The following TEX14 variants were observed in gnomAD, a reference collection of about 807,000 sequenced individuals.
TEX14 encodes the protein testis expressed 14, intercellular bridge forming factor.
In TEX14, 168 loss-of-function variants were observed where a neutral mutation model predicts 178.6. That is an observed-to-expected ratio of 0.94 (90% CI 0.83 to 1.07). The LOEUF (loss-of-function observed/expected upper bound fraction) is 1.07. TEX14 is among the 50% of genes least tolerant of loss of function. The pLI is 0.00. For synonymous variants in TEX14, 626 were observed against 634.1 expected (o/e 0.99, Z 0.19); for missense variants, 1,730 against 1,753.6 (o/e 0.99, Z 0.24).
At position 58,622,999 on chromosome 17, in the gene TEX14, C is replaced by CA. The variant is rs775494694; in HGVS notation, c.264dup (p.Gly89TrpfsTer18). 1 of 1,592,448 alleles carries CA rather than the reference C, an allele frequency of 6.3e-7. No homozygotes were observed. The highest frequency in any genetic ancestry group is 1.1e-5 in the South Asian group (1 of 90,398). ...GCTGCTGCATGGACAGGGGTGCTCCCATCAAAGCAGCGGCTGGGGAGGGAG... is the reference window on the plus strand; with the variant it reads ...GCTGCTGCATGGACAGGGGTGCTCCCAATCAAAGCAGCGGCTGGGGAGGGAG... On this transcript the variant is annotated frameshift_variant, in exon 4 of 32. Transcript: ENST00000349033. LOFTEE classifies it high-confidence loss of function.
intron 26 of TEX14, among the ~76,000 whole-genome samples, chr17:58,566,277 T>C (rs966444823): frequency 2.6e-5 from 4 of 152,226 alleles, no homozygotes; most frequent in Admixed American, 6.5e-5. Flanking sequence ...GACTGTGTTA[T>C]TGTTACTCCT....
intron 1 of TEX14, among the ~76,000 whole-genome samples, chr17:58,670,627 G>T (rs2047287971): frequency 6.6e-6 from 1 of 151,584 alleles, no homozygotes; most frequent in Non-Finnish European, 1.5e-5. Context: ...ACAAAAATTA[G>T]CTGGGTGTGG....
At chr17:58,594,497 C>T (rs2045233432) in intron 14 of TEX14, among the ~76,000 whole-genome samples, 1 of 151,674 alleles carries the variant, frequency 6.6e-6, no homozygotes, top group Non-Finnish European at 1.5e-5. Context: ...ATTACAGGTG[C>T]GCGCCACTAC....
At chr17:58,669,697 G>A (rs1030479253) in intron 1 of TEX14, among the ~76,000 whole-genome samples, 20 of 129,664 alleles carry the variant, frequency 1.5e-4, no homozygotes, top group African/African-American at 6.0e-4. Flanking sequence ...TCACGCCACT[G>A]CACTCTAGAC....
At position 58,602,416 on chromosome 17, in the gene TEX14, AG is replaced by A. The variant is rs1365744301; in HGVS notation, c.1510del (p.Leu504Ter). 1.2e-6 allele frequency: 2 copies of A among 1,612,664 alleles called. No homozygotes were observed. Among genetic ancestry groups the A allele is most frequent in the African/African-American group, 1.3e-5 (1 of 74,880 alleles). On this transcript the variant is annotated frameshift_variant, in exon 12 of 32. Coordinates refer to ENST00000349033, the MANE Select transcript of TEX14 (RefSeq NM_031272.5). LOFTEE classifies it high-confidence loss of function. ...TMNLQDIRYILKNDLKDFTGA... is the reference protein window; with the variant it reads ...TMNLQDIRYIXKNDLKDFTGA... Reference sequence around the variant, plus strand: ...AGGGCTTGCCTTTAAGTCATTCTTCAGAATATACCGGATATCTTGAAGGTTC... The same window carrying A: ...AGGGCTTGCCTTTAAGTCATTCTTCAAATATACCGGATATCTTGAAGGTTC...
intron 13 of TEX14, among the ~76,000 whole-genome samples, chr17:58,600,186 G>A (rs948189555): frequency 6.6e-6 from 1 of 152,168 alleles, no homozygotes; most frequent in African/African-American, 2.4e-5. Flanking sequence ...AAAAGAGTTT[G>A]ACTATTTCTC....
chr17:58,642,909 T>C (rs2046608038), intron 2 of TEX14, among the ~76,000 whole-genome samples: 1 of 152,216 alleles, frequency 6.6e-6, no homozygotes, highest in Admixed American at 6.5e-5. Context: ...TAAATAACAC[T>C]GACCACTATG....
intron 2 of TEX14, chr17:58,631,192 T>A (rs1359305780): frequency 2.0e-6 from 2 of 976,940 alleles, no homozygotes; most frequent in East Asian, 2.3e-4. Context: ...GGAGGCGCAG[T>A]GGCTCACGCC....
intron 13 of TEX14, among the ~76,000 whole-genome samples, chr17:58,600,638 A>T (rs2144476355): frequency 1.3e-5 from 2 of 152,042 alleles, no homozygotes; most frequent in Middle Eastern, 6.8e-3. Context: ...TAAAAAATTT[A>T]TGCTAGGATT....
intron 1 of TEX14, among the ~76,000 whole-genome samples, chr17:58,671,846 C>T (rs1029443209): frequency 6.6e-6 from 1 of 152,162 alleles, no homozygotes; most frequent in Non-Finnish European, 1.5e-5. Context: ...TCCCTCAATT[C>T]ATCTAATCCT....
intron 23 of TEX14, 131 bp from the exon 24 acceptor site, chr17:58,572,257 C>G (rs2044550701): frequency 1.1e-5 from 4 of 365,908 alleles, no homozygotes; most frequent in Non-Finnish European, 2.0e-5. Flanking sequence ...ATTATTAAAA[C>G]AAACAAACAA....
chr17:58,564,201 T>C (rs2044349931), intron 28 of TEX14: 3 of 152,108 alleles, frequency 2.0e-5, no homozygotes. Context: ...TCCAAAAGAA[T>C]TGAAAGCAGG....
chr17:58,573,088 C>T (rs1416668973), intron 23 of TEX14, 93 bp downstream of exon 23: 1 of 1,522,550 alleles, frequency 6.6e-7, no homozygotes, highest in African/African-American at 1.4e-5. Context: ...GACAACACAG[C>T]CACCAGCTCT....
At chr17:58,602,099 T>C in intron 12 of TEX14, 143 bp from the exon 13 acceptor site, 1 of 849,928 alleles carries the variant, frequency 1.2e-6, no homozygotes, top group Non-Finnish European at 1.8e-6. Flanking sequence ...ACTAGTTTAT[T>C]GTTATTGCCA....
In TEX14 at chr17:58,593,756, A is replaced by G. The variant is rs1598367279; in HGVS notation, c.2470-95T>C. ...TTTCAAAGCCATTCTTGCTAAATGTATAGAAATAACCAGACCTACCAGGAT... is the reference window on the plus strand; with the variant it reads ...TTTCAAAGCCATTCTTGCTAAATGTGTAGAAATAACCAGACCTACCAGGAT... On this transcript the variant is annotated intron_variant, in intron 14 of 31. Transcript: ENST00000349033. 3.8e-6 allele frequency: 4 copies of G among 1,066,506 alleles called. No homozygotes were observed. The East Asian group carries it at 7.4e-5, about 20-fold the overall frequency. 66.1% of individuals were successfully genotyped at this position (1,066,506 alleles called of 1,614,324 possible).
At chr17:58,614,287 T>A (rs2045818362) in intron 8 of TEX14, among the ~76,000 whole-genome samples, 2 of 152,094 alleles carry the variant, frequency 1.3e-5, no homozygotes, top group South Asian at 2.1e-4. Flanking sequence ...ATCAGGAGTT[T>A]GAGGCCAGCC....
intron 15 of TEX14, among the ~76,000 whole-genome samples, chr17:58,592,616 G>A (rs572102120): frequency 1.3e-5 from 2 of 151,696 alleles, no homozygotes; most frequent in African/African-American, 2.4e-5. Flanking sequence ...TTACAGGTGT[G>A]AGCCACCGCA....
chr17:58,648,761 T>TAGA (rs1170633283), intron 2 of TEX14, among the ~76,000 whole-genome samples: 3 of 151,646 alleles, frequency 2.0e-5, no homozygotes, highest in African/African-American at 7.3e-5. Context: ...CACAGCCTTC[T>TAGA]AATCCTGTGA....
chr17:58,561,490 G>A (rs1365807957), intron 29 of TEX14, 30 bp downstream of exon 29: 2 of 1,492,332 alleles, frequency 1.3e-6, no homozygotes, highest in Non-Finnish European at 1.9e-6. Context: ...TGAAAAAGAA[G>A]AAAAGGATTC....
Sources: allele counts gnomAD v4.1 joint callset (sites outside exome capture counted in the v4.1 genomes callset), GRCh38; gene constraint gnomAD v4.1.1; transcripts MANE v1.5; gene names NCBI Gene and HGNC (gene_info 2026-07-23, HGNC 2026-07-21).